TLN2: variants seen among roughly 807,000 people sequenced by gnomAD.
TLN2 encodes talin-2.
TLN2 carries 118 observed loss-of-function variants against 294.7 expected under a neutral mutation model. The ratio of observed to expected loss-of-function variants is 0.40; its 90% CI spans 0.34 to 0.47. The LOEUF (loss-of-function observed/expected upper bound fraction) is 0.47. Among genes scored for constraint, TLN2 ranks in the 20% least tolerant of loss-of-function variants. TLN2 has a pLI of 0.84. For missense variants in TLN2, 3,083 were observed against 3,282.2 expected (o/e 0.94, Z 1.48); for synonymous variants, 1,431 against 1,304.5 (o/e 1.10, Z -2.09).
intron 2 of TLN2, among the ~76,000 whole-genome samples, chr15:62,593,511 T>A (rs546912067): frequency 6.6e-6 from 1 of 152,254 alleles, no homozygotes; most frequent in Non-Finnish European, 1.5e-5. Context: ...TTAATTTCTT[T>A]CCACATTAAG....
chr15:62,417,242 T>C (rs1440050585), intron 1 of TLN2, among the ~76,000 whole-genome samples: 1 of 152,236 alleles, frequency 6.6e-6, no homozygotes, highest in Non-Finnish European at 1.5e-5. Context: ...AGTCATTTAA[T>C]TTGCCTGTCG....
intron 50 of TLN2, among the ~76,000 whole-genome samples, chr15:62,803,883 A>G (rs765115965): frequency 3.9e-5 from 6 of 152,104 alleles, no homozygotes; most frequent in Non-Finnish European, 8.8e-5. Context: ...AGAGTTAGGT[A>G]TTTATTATAG....
Position 62,647,444 on chromosome 15 carries a change from A to G in TLN2, c.134A>G (p.Gln45Arg). 1 of 1,614,048 alleles carries G rather than the reference A, an allele frequency of 6.2e-7. No individual in the cohort carries two copies. Among genetic ancestry groups the G allele is most frequent in the Non-Finnish European group, 8.5e-7 (1 of 1,179,984 alleles). Residue 45 changes from glutamine (Q) to arginine (R), a missense_variant and splice_region_variant, in exon 4 of 59, where the codon CAA (glutamine) becomes CGA (arginine). Coordinates refer to ENST00000636159, the MANE Select transcript of TLN2 (RefSeq NM_015059.3). ...CGGGTGCCTGAGGCACAAACTGGGC[A>G]AGGTAGGTCATGGGTTATTTACTGG... ...RERVPEAQTG[Q>R]ASDYGLFLSD...
intron 1 of TLN2, among the ~76,000 whole-genome samples, chr15:62,434,727 C>T (rs2140295503): frequency 6.6e-6 from 1 of 152,324 alleles, no homozygotes; most frequent in Admixed American, 6.5e-5. Context: ...AATGGAATCT[C>T]ATATCACTTA....
intron 1 of TLN2, among the ~76,000 whole-genome samples, chr15:62,469,422 CT>C: frequency 6.6e-6 from 1 of 152,330 alleles, no homozygotes; most frequent in Non-Finnish European, 1.5e-5. Flanking sequence ...CACAATGCTG[CT>C]TACCCAAAAG....
chr15:62,450,878 CTA>C (rs1358921630), intron 1 of TLN2, among the ~76,000 whole-genome samples: 1 of 151,598 alleles, frequency 6.6e-6, no homozygotes, highest in East Asian at 1.9e-4. Context: ...GTCCATATAT[CTA>C]TATATATATT....
At chr15:62,562,263 C>T (rs2043030186) in intron 1 of TLN2, among the ~76,000 whole-genome samples, 1 of 152,154 alleles carries the variant, frequency 6.6e-6, no homozygotes, top group African/African-American at 2.4e-5. Context: ...ACCCATGTAT[C>T]TTGCTGCCTT....
intron 37 of TLN2, 60 bp from the exon 38 acceptor site, chr15:62,761,621 T>A (rs1484049530): frequency 6.2e-7 from 1 of 1,608,032 alleles, no homozygotes; most frequent in Non-Finnish European, 8.5e-7. Flanking sequence ...GTGATTACTG[T>A]GGTTCAGAAA....
At chr15:62,443,655 G>T (rs2035666994) in intron 1 of TLN2, among the ~76,000 whole-genome samples, 1 of 152,184 alleles carries the variant, frequency 6.6e-6, no homozygotes, top group African/African-American at 2.4e-5. Context: ...CATTTTCCCT[G>T]ATTTCACCTG....
At chr15:62,770,024 C>T (rs1452374995) in intron 41 of TLN2, among the ~76,000 whole-genome samples, 3 of 152,128 alleles carry the variant, frequency 2.0e-5, no homozygotes, top group East Asian at 3.9e-4. Flanking sequence ...TCTAAAAGTG[C>T]GGTGCTCCCA....
chr15:62,579,637 T>C (rs2044737355), intron 1 of TLN2, among the ~76,000 whole-genome samples: 1 of 152,130 alleles, frequency 6.6e-6, no homozygotes, highest in Non-Finnish European at 1.5e-5. Flanking sequence ...GTGTGAGTAT[T>C]CATAGGAACG....
chr15:62,660,252 A>G (rs2053669324), intron 9 of TLN2, among the ~76,000 whole-genome samples: 1 of 152,204 alleles, frequency 6.6e-6, no homozygotes, highest in Non-Finnish European at 1.5e-5. Context: ...ATTCGCTTCG[A>G]ACTTTCTTCA....
At chr15:62,839,473 C>A (rs1346056106) in intron 58 of TLN2, among the ~76,000 whole-genome samples, 3 of 152,176 alleles carry the variant, frequency 2.0e-5, no homozygotes, top group Non-Finnish European at 1.5e-5. Flanking sequence ...AGGTACTGCC[C>A]ACTGCAGACA....
intron 1 of TLN2, among the ~76,000 whole-genome samples, chr15:62,425,507 C>T (rs1048017269): frequency 6.6e-6 from 1 of 152,178 alleles, no homozygotes; most frequent in African/African-American, 2.4e-5. Context: ...CTTAGCATCA[C>T]GGAGCTGCGT....
intron 3 of TLN2, among the ~76,000 whole-genome samples, chr15:62,629,547 G>C (rs748359709): frequency 2.6e-5 from 4 of 152,066 alleles, no homozygotes; most frequent in Non-Finnish European, 4.4e-5. Context: ...TGTTAGTTTT[G>C]TGTGCTTTTC....
At chr15:62,830,921 ATGT>A (rs2068768072) in intron 54 of TLN2, 1 of 152,006 alleles carries the variant, frequency 6.6e-6, no homozygotes, top group South Asian at 2.1e-4. Context: ...AAGCATAGAG[ATGT>A]TGTGGGAAGA....
intron 1 of TLN2, among the ~76,000 whole-genome samples, chr15:62,452,329 A>G (rs1011809214): frequency 9.2e-5 from 14 of 152,176 alleles, no homozygotes; most frequent in African/African-American, 2.9e-4. Context: ...GCATTGTGTA[A>G]GGTTCTTAGT....
intron 2 of TLN2, among the ~76,000 whole-genome samples, chr15:62,604,446 G>GGT (rs2047248193): frequency 6.6e-6 from 1 of 150,774 alleles, no homozygotes; most frequent in African/African-American, 2.4e-5. Flanking sequence ...GGGAGACTGA[G>GGT]GTAGAAGATT....
At chr15:62,477,534 G>A (rs1398377049) in intron 1 of TLN2, among the ~76,000 whole-genome samples, 1 of 152,098 alleles carries the variant, frequency 6.6e-6, no homozygotes, top group African/African-American at 2.4e-5. Context: ...TCCTCCTTAA[G>A]GTTATCATAG....
Sources: allele counts gnomAD v4.1 joint callset (sites outside exome capture counted in the v4.1 genomes callset), GRCh38; gene constraint gnomAD v4.1.1; transcripts MANE v1.5; gene names NCBI Gene and HGNC (gene_info 2026-07-23, HGNC 2026-07-21).